The following LIN28A variants were observed in gnomAD, a reference collection of about 807,000 sequenced individuals.
LIN28A encodes lin-28 RNA binding posttranscriptional regulator A.
In LIN28A, 11 loss-of-function variants were observed where a neutral mutation model predicts 21.1. That is an observed-to-expected ratio of 0.52 (90% CI 0.33 to 0.86). The LOEUF (loss-of-function observed/expected upper bound fraction) is 0.86. LIN28A is among the 40% of genes least tolerant of loss of function. LIN28A has a pLI of 0.03. For synonymous variants in LIN28A, 111 were observed against 108.7 expected (o/e 1.02, Z -0.13); for missense variants, 219 against 279.8 (o/e 0.78, Z 1.55).
At chr1:26,416,844 C>G (rs1275445380) in intron 2 of LIN28A, among the ~76,000 whole-genome samples, 1 of 152,070 alleles carries the variant, frequency 6.6e-6, no homozygotes, top group African/African-American at 2.4e-5. Context: ...GTCTCGAACT[C>G]CTGACCTCGT....
chr1:26,424,529 C>T (rs182353962), intron 2 of LIN28A, among the ~76,000 whole-genome samples: 8 of 152,302 alleles, frequency 5.3e-5, no homozygotes, highest in African/African-American at 1.7e-4. Context: ...CGTAAGCCAC[C>T]GTGTGTGGCT....
In LIN28A at chr1:26,410,821, T is replaced by C; in HGVS notation, c.-71T>C. 1 of 1,548,178 alleles carries C rather than the reference T, an allele frequency of 6.5e-7. No homozygotes were observed. On this transcript the variant is annotated 5_prime_UTR_variant, in exon 1 of 4. Transcript: ENST00000326279. ...CAGCTTCTTCTCCGAACCAACCCTTTGCCTTCGGACTTCTCCGGGGCCAGC... is the reference window on the plus strand; with the variant it reads ...CAGCTTCTTCTCCGAACCAACCCTTCGCCTTCGGACTTCTCCGGGGCCAGC...
intron 2 of LIN28A, among the ~76,000 whole-genome samples, chr1:26,424,732 G>C (rs1324901888): frequency 6.7e-6 from 1 of 149,024 alleles, no homozygotes; most frequent in Non-Finnish European, 1.5e-5. Flanking sequence ...AAATTTTTCT[G>C]TTTGTTGTTG....
At chr1:26,420,713 TA>T (rs1223042587) in intron 2 of LIN28A, among the ~76,000 whole-genome samples, 1 of 152,000 alleles carries the variant, frequency 6.6e-6, no homozygotes, top group Non-Finnish European at 1.5e-5. Flanking sequence ...GCCACCAGCA[TA>T]AAATACGAAT....
Position 26,428,473 on chromosome 1 carries a change from C to T in LIN28A, c.*2015C>T, listed in dbSNP as rs1184812505. 6.6e-6 allele frequency: 1 copy of T among 152,124 alleles called. No homozygotes were observed. Among genetic ancestry groups the T allele is most frequent in the Admixed American group, 6.6e-5 (1 of 15,260 alleles). 9.4% of individuals were successfully genotyped at this position (152,124 alleles called of 1,614,324 possible). A position where few individuals can be genotyped will look rare whatever the true frequency, so the allele number is the denominator to read the frequency against. On this transcript the variant is annotated 3_prime_UTR_variant, in exon 4 of 4. Transcript: ENST00000326279. Reference sequence around the variant, plus strand: ...CTCTTAAATGATGTATGCAAAAATACTGAAGCTAGGAAAACCCTCCATCCC... The same window carrying T: ...CTCTTAAATGATGTATGCAAAAATATTGAAGCTAGGAAAACCCTCCATCCC...
chr1:26,424,733 TTTG>T (rs1373809523), intron 2 of LIN28A, among the ~76,000 whole-genome samples: 1 of 149,422 alleles, frequency 6.7e-6, no homozygotes, highest in African/African-American at 2.4e-5. Context: ...AATTTTTCTG[TTTG>T]TTGTTGTTTG....
chr1:26,425,522 A>G, intron 3 of LIN28A, 35 bp downstream of exon 3: 1 of 1,589,816 alleles, frequency 6.3e-7, no homozygotes, highest in Non-Finnish European at 8.6e-7. Context: ...TAGGTTGCTA[A>G]GGGCATCCCC....
In LIN28A at chr1:26,411,194, T is replaced by C. The variant is rs1397134685; in HGVS notation, c.32-192T>C. The stretch of plus-strand genomic sequence containing the variant: ...AAGAGGAGCAAAACTTTCGGGGCAC[T>C]ACTGTCCCGGTGTACGCTAGGGGAA... On this transcript the variant is annotated intron_variant, in intron 1 of 3. Transcript: ENST00000326279. The surrounding 1 kb of genome is among the most constrained non-coding windows in gnomAD (Gnocchi z 5.4). Among the ~76,000 whole-genome samples the C allele has an allele frequency of 6.6e-6, 1 of 152,232 alleles. No homozygotes were observed. The highest frequency in any genetic ancestry group is 2.4e-5 in the African/African-American group (1 of 41,456).
intron 2 of LIN28A, among the ~76,000 whole-genome samples, chr1:26,412,929 T>C (rs1399490247): frequency 6.6e-6 from 1 of 152,106 alleles, no homozygotes; most frequent in Admixed American, 6.5e-5. Flanking sequence ...TGCAGCAGGA[T>C]ACTGAGCTGC....
intron 2 of LIN28A, among the ~76,000 whole-genome samples, chr1:26,419,190 G>A (rs2075014742): frequency 6.6e-6 from 1 of 151,980 alleles, no homozygotes; most frequent in Admixed American, 6.6e-5. Flanking sequence ...CTGGCTCTGT[G>A]GGGCTGCACG....
chr1:26,425,513 A>T, intron 3 of LIN28A, 26 bp downstream of exon 3: 1 of 1,602,392 alleles, frequency 6.2e-7, no homozygotes, highest in Non-Finnish European at 8.5e-7. Context: ...CAGCTTATAT[A>T]GGTTGCTAAG....
At chr1:26,412,517 T>C (rs1489957844) in intron 2 of LIN28A, among the ~76,000 whole-genome samples, 1 of 152,140 alleles carries the variant, frequency 6.6e-6, no homozygotes, top group African/African-American at 2.4e-5. Context: ...CAGCTACCCA[T>C]AAAGACCATG....
intron 2 of LIN28A, among the ~76,000 whole-genome samples, chr1:26,414,032 T>C (rs2074978749): frequency 6.6e-6 from 1 of 152,132 alleles, no homozygotes; most frequent in African/African-American, 2.4e-5. Context: ...TTTCTGCACG[T>C]TGGTCAGGCT....
intron 2 of LIN28A, among the ~76,000 whole-genome samples, chr1:26,418,247 AAG>A (rs1346574692): frequency 6.6e-6 from 1 of 152,138 alleles, no homozygotes. Flanking sequence ...TTATCAAAAA[AAG>A]AAAAAGAAAT....
intron 2 of LIN28A, among the ~76,000 whole-genome samples, chr1:26,420,742 C>A (rs114659429): frequency 1.4e-3 from 216 of 152,246 alleles, no homozygotes; most frequent in African/African-American, 5.0e-3. Flanking sequence ...ACTCATGTTC[C>A]CTTGAGCCAG....
At position 26,426,549 on chromosome 1, in the gene LIN28A, A is replaced by G. The variant is rs1245193771; in HGVS notation, c.*91A>G. ...AGTGGGAATAGGGTGCATTGGGGCT[A>G]GTTGGCACTGCCATGTATCTCAGGC... is the stretch of plus-strand genomic sequence containing the variant. On this transcript the variant is annotated 3_prime_UTR_variant, in exon 4 of 4. Transcript: ENST00000326279. 5 of 952,306 alleles carry G rather than the reference A, an allele frequency of 5.3e-6. 1 individual carries two copies. The highest frequency in any genetic ancestry group is 8.2e-6 in the Non-Finnish European group (5 of 606,066). 59.0% of individuals were successfully genotyped at this position (952,306 alleles called of 1,614,324 possible). A position where few individuals can be genotyped will look rare whatever the true frequency, so the allele number is the denominator to read the frequency against.
Position 26,411,306 on chromosome 1 carries a change from C to A in LIN28A, c.32-80C>A, listed in dbSNP as rs2074957280. 6.7e-6 allele frequency: 9 copies of A among 1,347,978 alleles called. No individual in the cohort carries two copies. The South Asian group carries it at 1.0e-4, about 16-fold the overall frequency. 83.5% of individuals were successfully genotyped at this position (1,347,978 alleles called of 1,614,324 possible). A position where few individuals can be genotyped will look rare whatever the true frequency, so the allele number is the denominator to read the frequency against. ...CTGTCCACTTGTGGGGCTGGATACT[C>A]GGGTCTCCCTGCCTGGGGCCCGAGA... On this transcript the variant is annotated intron_variant, in intron 1 of 3. Transcript: ENST00000326279. The surrounding 1 kb of genome is among the most constrained non-coding windows in gnomAD (Gnocchi z 5.4).
intron 2 of LIN28A, among the ~76,000 whole-genome samples, chr1:26,419,419 T>C (rs758254348): frequency 6.6e-6 from 1 of 152,208 alleles, no homozygotes; most frequent in Non-Finnish European, 1.5e-5. Context: ...TCTTGTTGCA[T>C]GTCCCCATTT....
At chr1:26,415,387 C>G (rs1267899293) in intron 2 of LIN28A, among the ~76,000 whole-genome samples, 1 of 152,058 alleles carries the variant, frequency 6.6e-6, no homozygotes, top group Non-Finnish European at 1.5e-5. Flanking sequence ...AATCTTTCCT[C>G]CTGGTTTGTA....
Sources: allele counts gnomAD v4.1 joint callset (sites outside exome capture counted in the v4.1 genomes callset), GRCh38; gene constraint gnomAD v4.1.1; non-coding constraint Gnocchi (gnomAD v3.1); transcripts MANE v1.5; gene names NCBI Gene and HGNC (gene_info 2026-07-23, HGNC 2026-07-21).